The following PTPRN2 variants were observed in gnomAD, a reference collection of about 807,000 sequenced individuals.
PTPRN2 encodes protein tyrosine phosphatase receptor type N2.
A neutral mutation model predicts 118.8 loss-of-function variants in PTPRN2; 74 were observed. The ratio of observed to expected loss-of-function variants is 0.62; its 90% CI spans 0.52 to 0.76. The LOEUF (loss-of-function observed/expected upper bound fraction) is 0.76. PTPRN2 is among the 30% of genes least tolerant of loss of function. The pLI is 0.00. For missense variants in PTPRN2, 1,481 were observed against 1,394.4 expected (o/e 1.06, Z -0.99); for synonymous variants, 641 against 608.0 (o/e 1.05, Z -0.80).
intron 3 of PTPRN2, among the ~76,000 whole-genome samples, chr7:158,258,290 G>A (rs1009002100): frequency 6.6e-6 from 1 of 152,204 alleles, no homozygotes; most frequent in African/African-American, 2.4e-5. Flanking sequence ...CGCCTCCCCC[G>A]GCATCTCCAC....
Position 158,029,645 on chromosome 7 carries a change from C to G in PTPRN2, c.1723+51653G>C, listed in dbSNP as rs1807542901. ...CAGGGGCTGGAGGCTCCTGTCCTGC[C>G]CATCCACACAGCAAACACAGTAACC... On this transcript the variant is annotated intron_variant, in intron 11 of 22. Transcript: ENST00000389418. The G allele has an allele frequency of 1.3e-5, 2 of 151,748 alleles. 1 individual carries two copies. Among genetic ancestry groups the G allele is most frequent in the South Asian group, 4.2e-4 (2 of 4,800 alleles). 9.4% of individuals were successfully genotyped at this position (151,748 alleles called of 1,614,324 possible).
At chr7:157,797,116 G>A (rs1002572720) in intron 12 of PTPRN2, among the ~76,000 whole-genome samples, 5 of 152,168 alleles carry the variant, frequency 3.3e-5, no homozygotes, top group Non-Finnish European at 7.3e-5. Context: ...CCCTCAACAC[G>A]GCCCACGGCT....
intron 11 of PTPRN2, among the ~76,000 whole-genome samples, chr7:158,077,523 C>T (rs934514607): frequency 2.2e-5 from 2 of 91,000 alleles, no homozygotes; most frequent in African/African-American, 4.3e-5. Context: ...GAGCCTCACC[C>T]CACCATTCAG....
In PTPRN2 at chr7:157,794,518, T is replaced by A. The variant is rs1337762625; in HGVS notation, c.1788+104155A>T. Among the ~76,000 whole-genome samples the A allele has an allele frequency of 1.3e-5, 2 of 152,176 alleles. No homozygotes were observed. Among genetic ancestry groups the A allele is most frequent in the African/African-American group, 4.8e-5 (2 of 41,446 alleles). Reference sequence around the variant, plus strand: ...TGAAAATAGGCTCTCCCTCTCTGAGTCAAAGGAGGCAATTATACAATAGGA... The same window carrying A: ...TGAAAATAGGCTCTCCCTCTCTGAGACAAAGGAGGCAATTATACAATAGGA... On this transcript the variant is annotated intron_variant, in intron 12 of 22. Transcript: ENST00000389418. This position sits in a 1 kb window ranked among gnomAD's most constrained non-coding sequence, Gnocchi z 5.2.
chr7:158,129,086 T>G (rs1366418551), intron 9 of PTPRN2, among the ~76,000 whole-genome samples: 3 of 148,736 alleles, frequency 2.0e-5, no homozygotes, highest in Non-Finnish European at 4.5e-5. Flanking sequence ...ATACACACCA[T>G]GCCACACACT....
At chr7:157,736,586 A>C (rs376629772) in intron 12 of PTPRN2, among the ~76,000 whole-genome samples, 5 of 150,352 alleles carry the variant, frequency 3.3e-5, no homozygotes, top group African/African-American at 1.2e-4. Flanking sequence ...GGACTGTCAG[A>C]GCTGTGAGAA....
At position 158,451,520 on chromosome 7, in the gene PTPRN2, G is replaced by T. The variant is rs143766389; in HGVS notation, c.163+38215C>A. Among the ~76,000 whole-genome samples, 477 of 152,322 alleles carry T rather than the reference G, an allele frequency of 3.1e-3. 2 individuals are homozygous for T. The highest frequency in any genetic ancestry group is 0.011 in the African/African-American group (452 of 41,564). On this transcript the variant is annotated intron_variant, in intron 2 of 22. Transcript: ENST00000389418. ...AGCACAGGAGTTGGTGTCTCCGAAA[G>T]AAATTCGGTCCAGGTTCATCTTCTT...
At chr7:158,217,468 C>T (rs933360556) in intron 3 of PTPRN2, among the ~76,000 whole-genome samples, 1 of 152,198 alleles carries the variant, frequency 6.6e-6, no homozygotes, top group South Asian at 2.1e-4. Flanking sequence ...ATCCCCAGGA[C>T]AGCAACTTCA....
intron 19 of PTPRN2, among the ~76,000 whole-genome samples, chr7:157,571,726 T>A (rs1245781833): frequency 6.6e-6 from 1 of 152,218 alleles, no homozygotes; most frequent in Non-Finnish European, 1.5e-5. Flanking sequence ...ACTGCTTTCT[T>A]CTTCCAAGGA....
intron 10 of PTPRN2, among the ~76,000 whole-genome samples, chr7:158,102,957 A>C (rs929970577): frequency 1.3e-5 from 2 of 152,216 alleles, no homozygotes; most frequent in African/African-American, 2.4e-5. Flanking sequence ...GCTGAGTCCT[A>C]GACAGGGAGC....
chr7:158,337,518 CCAT>C (rs1163911824), intron 2 of PTPRN2, among the ~76,000 whole-genome samples: 9 of 151,038 alleles, frequency 6.0e-5, no homozygotes, highest in Admixed American at 6.6e-5. Context: ...CACACTCTCA[CCAT>C]AAGAGGTGAC....
At chr7:158,041,249 G>T (rs1262319970) in intron 11 of PTPRN2, among the ~76,000 whole-genome samples, 1 of 152,184 alleles carries the variant, frequency 6.6e-6, no homozygotes, top group Non-Finnish European at 1.5e-5. Context: ...TAGTTATAAA[G>T]GGAAGTTCAC....
At chr7:158,023,267 C>T (rs1807033229) in intron 11 of PTPRN2, among the ~76,000 whole-genome samples, 1 of 152,052 alleles carries the variant, frequency 6.6e-6, no homozygotes, top group Non-Finnish European at 1.5e-5. Context: ...CGCTCCCAGG[C>T]CTGTGTCCTG....
intron 3 of PTPRN2, among the ~76,000 whole-genome samples, chr7:158,238,668 T>G (rs758602283): frequency 1.3e-5 from 2 of 152,046 alleles, no homozygotes; most frequent in African/African-American, 4.8e-5. Context: ...GAAGCACGGG[T>G]CGCAGCTCCA....
At chr7:157,658,890 C>T (rs769198616) in intron 13 of PTPRN2, among the ~76,000 whole-genome samples, 11 of 152,174 alleles carry the variant, frequency 7.2e-5, no homozygotes, top group Admixed American at 1.3e-4. Flanking sequence ...TGGTGGTGTC[C>T]GGGGGAGGCC....
rs1016483262 is a variant in PTPRN2, at chr7:157,835,619, G to A, written c.1788+63054C>T. Among the ~76,000 whole-genome samples the A allele has an allele frequency of 5.3e-5, 8 of 152,126 alleles. No individual in the cohort carries two copies. In the East Asian group the frequency reaches 7.7e-4, roughly 15 times the overall value. ...AAACAGGGATCTGCAGCAATGCCTCGGCTCTCAGGGCGCTCGGGAGGGTGC... is the reference window on the plus strand; with the variant it reads ...AAACAGGGATCTGCAGCAATGCCTCAGCTCTCAGGGCGCTCGGGAGGGTGC... On this transcript the variant is annotated intron_variant, in intron 12 of 22. Transcript: ENST00000389418.
rs113794773 is a variant in PTPRN2, at chr7:157,874,828, G to A, written c.1788+23845C>T. Among the ~76,000 whole-genome samples, 1 of 130,082 alleles carries A rather than the reference G, an allele frequency of 7.7e-6. No individual in the cohort carries two copies. The highest frequency in any genetic ancestry group is 2.4e-4 in the East Asian group (1 of 4,196). The allele number at this position is 130,082 out of a possible 152,430, so 85.3% of individuals were successfully genotyped here. ...AGAGACACACTCATGGACACACACAGAGACACACTCATGCACATATACACA... is the reference window on the plus strand; with the variant it reads ...AGAGACACACTCATGGACACACACAAAGACACACTCATGCACATATACACA... On this transcript the variant is annotated intron_variant, in intron 12 of 22. Transcript: ENST00000389418. The surrounding 1 kb of genome is among the most constrained non-coding windows in gnomAD (Gnocchi z 5.8).
intron 3 of PTPRN2, among the ~76,000 whole-genome samples, chr7:158,281,255 C>T (rs927945125): frequency 6.6e-6 from 1 of 152,200 alleles, no homozygotes; most frequent in Non-Finnish European, 1.5e-5. Context: ...TGCCACTGCA[C>T]TCCAGTCTGG....
chr7:158,429,138 G>A (rs116965185), intron 2 of PTPRN2, among the ~76,000 whole-genome samples: 8 of 152,304 alleles, frequency 5.3e-5, no homozygotes, highest in African/African-American at 1.4e-4. Context: ...GGATCCAACC[G>A]ATGTGTTTCG....
Sources: allele counts gnomAD v4.1 joint callset (sites outside exome capture counted in the v4.1 genomes callset), GRCh38; gene constraint gnomAD v4.1.1; non-coding constraint Gnocchi (gnomAD v3.1); transcripts MANE v1.5; gene names NCBI Gene and HGNC (gene_info 2026-07-23, HGNC 2026-07-21).